Variants in SLC44A5 observed in about 807,000 individuals in gnomAD.
SLC44A5 encodes the protein choline transporter-like protein 5.
Under a neutral mutation model 101.8 loss-of-function variants are expected in SLC44A5, and 57 were observed. The observed-to-expected ratio is 0.56, with a 90% CI of 0.45 to 0.70. The LOEUF is 0.70. Ranked by LOEUF, SLC44A5 falls within the 30% of genes least tolerant of loss-of-function variation. SLC44A5 has a pLI of 0.00. For synonymous variants in SLC44A5, 281 were observed against 290.9 expected (o/e 0.97, Z 0.35); for missense variants, 737 against 853.1 (o/e 0.86, Z 1.70).
chr1:75,561,274 G>A (rs1400766458), intron 1 of SLC44A5, among the ~76,000 whole-genome samples: 2 of 152,102 alleles, frequency 1.3e-5, no homozygotes, highest in Non-Finnish European at 2.9e-5. Context: ...TAAATTTCAT[G>A]ACAAAAGAAG....
intron 4 of SLC44A5, among the ~76,000 whole-genome samples, chr1:75,308,945 TAAGTA>T (rs1413678199): frequency 6.6e-6 from 1 of 152,170 alleles, no homozygotes; most frequent in African/African-American, 2.4e-5. Context: ...CAAATTTTAA[TAAGTA>T]AATAAAAAAT....
the SLC44A5 span, among the ~76,000 whole-genome samples, chr1:75,629,037 T>C: frequency 1.3e-5 from 2 of 151,898 alleles, no homozygotes; most frequent in African/African-American, 4.8e-5. Flanking sequence ...GGCAGAACAA[T>C]CATAAACACC....
chr1:75,487,960 G>C (rs1374497416), intron 2 of SLC44A5, among the ~76,000 whole-genome samples: 1 of 152,228 alleles, frequency 6.6e-6, no homozygotes, highest in Admixed American at 6.5e-5. Flanking sequence ...TGTCAGATTG[G>C]CAGTGGCATT....
intron 8 of SLC44A5, 70 bp from the exon 9 acceptor site, chr1:75,242,131 T>C (rs1648688246): frequency 1.6e-6 from 2 of 1,243,726 alleles, no homozygotes; most frequent in Non-Finnish European, 2.3e-6. Flanking sequence ...AATCTAAATA[T>C]GTCCTTTAAA....
rs1444499319 is a variant in SLC44A5, at chr1:75,592,327, C to A, written c.-70+18713G>T. Among the ~76,000 whole-genome samples the A allele has an allele frequency of 4.0e-5, 6 of 151,790 alleles. No homozygotes were observed. The East Asian group carries it at 1.2e-3, about 29-fold the overall frequency. Reference sequence around the variant, plus strand: ...ATTTAACCAAAGAAATGTAAGATCTCTAAAATTAAAACTATAAAATACTGA... The same window carrying A: ...ATTTAACCAAAGAAATGTAAGATCTATAAAATTAAAACTATAAAATACTGA... On this transcript the variant is annotated intron_variant, in intron 1 of 23. Coordinates refer to ENST00000370859, the MANE Select transcript of SLC44A5 (RefSeq NM_001130058.2).
chr1:75,718,464 T>TA, the SLC44A5 span, among the ~76,000 whole-genome samples: 1 of 152,180 alleles, frequency 6.6e-6, no homozygotes, highest in African/African-American at 2.4e-5. Flanking sequence ...AATGGGACAT[T>TA]AACAGAAGCT....
intron 6 of SLC44A5, among the ~76,000 whole-genome samples, chr1:75,259,477 A>G (rs1650301740): frequency 6.6e-6 from 1 of 152,166 alleles, no homozygotes; most frequent in African/African-American, 2.4e-5. Context: ...ACAAGATTAG[A>G]GAAAAAAGAG....
At chr1:75,416,111 G>C (rs1451937492) in intron 2 of SLC44A5, among the ~76,000 whole-genome samples, 1 of 152,160 alleles carries the variant, frequency 6.6e-6, no homozygotes, top group East Asian at 1.9e-4. Flanking sequence ...TGTCACCAGG[G>C]CATGTCAGAA....
rs145377351 is a variant in SLC44A5 at position 75,582,204 on chromosome 1, C to T, written c.-70+28836G>A. 5.7e-3 allele frequency: 5,817 copies of T among 1,022,962 alleles called. 123 individuals are homozygous for T. The Admixed American group carries it at 0.059, about 10-fold the overall frequency. 63.4% of individuals were successfully genotyped at this position (1,022,962 alleles called of 1,614,324 possible). ...ATACGAATCTCTTAAGGGGTGGACC[C>T]CAAGTTCCTGAGGAACATGCGCTTT... On this transcript the variant is annotated intron_variant, in intron 1 of 23. Transcript: ENST00000370859.
intron 2 of SLC44A5, among the ~76,000 whole-genome samples, chr1:75,431,343 T>C (rs1664601593): frequency 6.6e-6 from 1 of 152,180 alleles, no homozygotes; most frequent in Admixed American, 6.5e-5. Flanking sequence ...ATGATTACTA[T>C]TCAGACCAAT....
At chr1:75,429,571 G>T (rs1225064580) in intron 2 of SLC44A5, among the ~76,000 whole-genome samples, 1 of 152,170 alleles carries the variant, frequency 6.6e-6, no homozygotes, top group African/African-American at 2.4e-5. Context: ...AATTTATAAA[G>T]AAAATGAGGT....
At chr1:75,432,567 C>T (rs1465380428) in intron 2 of SLC44A5, among the ~76,000 whole-genome samples, 1 of 152,094 alleles carries the variant, frequency 6.6e-6, no homozygotes, top group East Asian at 1.9e-4. Context: ...GGAATCATTT[C>T]CAGAGACTGG....
chr1:75,279,483 C>T (rs1469579781), intron 5 of SLC44A5, among the ~76,000 whole-genome samples: 1 of 152,104 alleles, frequency 6.6e-6, no homozygotes, highest in African/African-American at 2.4e-5. Flanking sequence ...GGACCCAGAA[C>T]CACCCAACCA....
intron 2 of SLC44A5, among the ~76,000 whole-genome samples, chr1:75,449,236 G>A (rs1570312603): frequency 6.6e-6 from 1 of 152,094 alleles, no homozygotes; most frequent in African/African-American, 2.4e-5. Context: ...CTTTAATTTT[G>A]GCTTGTTGCT....
chr1:75,660,511 C>T, the SLC44A5 span, among the ~76,000 whole-genome samples: 2 of 152,218 alleles, frequency 1.3e-5, no homozygotes, highest in South Asian at 2.1e-4. Context: ...GGGCATCCAA[C>T]TTGGAAAGAA....
At chr1:75,302,051 T>C (rs1012678048) in intron 4 of SLC44A5, among the ~76,000 whole-genome samples, 6 of 150,596 alleles carry the variant, frequency 4.0e-5, no homozygotes, top group African/African-American at 7.3e-5. Flanking sequence ...TTTAATTTCA[T>C]TTGAATTTAA....
intron 2 of SLC44A5, among the ~76,000 whole-genome samples, chr1:75,468,695 G>A (rs1474762274): frequency 6.6e-6 from 1 of 152,110 alleles, no homozygotes; most frequent in Non-Finnish European, 1.5e-5. Flanking sequence ...GGGGTTTGGG[G>A]GATGTGGGGA....
the SLC44A5 span, among the ~76,000 whole-genome samples, chr1:75,682,857 C>T: frequency 5.3e-5 from 8 of 152,172 alleles, no homozygotes; most frequent in African/African-American, 1.9e-4. Flanking sequence ...ACCTACTCAT[C>T]TGTCAAAGGG....
chr1:75,217,704 A>G (rs1234547564), intron 18 of SLC44A5, among the ~76,000 whole-genome samples, 162 bp downstream of exon 18: 1 of 151,718 alleles, frequency 6.6e-6, no homozygotes, highest in Non-Finnish European at 1.5e-5. Flanking sequence ...CCTGACATCA[A>G]CTCCTTCAGC....
Sources: allele counts gnomAD v4.1 joint callset (sites outside exome capture counted in the v4.1 genomes callset), GRCh38; gene constraint gnomAD v4.1.1; transcripts MANE v1.5; gene names NCBI Gene and HGNC (gene_info 2026-07-23, HGNC 2026-07-21).